Variants in SLC6A15 observed in about 807,000 individuals in gnomAD.
The protein encoded by SLC6A15 is sodium-dependent neutral amino acid transporter B(0)AT2.
A neutral mutation model predicts 68.5 loss-of-function variants in SLC6A15; 33 were observed. That is an observed-to-expected ratio of 0.48 (90% CI 0.37 to 0.64). The LOEUF is 0.64. Among genes scored for constraint, SLC6A15 ranks in the 30% least tolerant of loss-of-function variants. The probability of loss-of-function intolerance (pLI) is 0.00; values close to 1 mark genes in which losing one functional copy is unlikely to be tolerated. For missense variants in SLC6A15, 747 were observed against 874.3 expected (o/e 0.85, Z 1.84); for synonymous variants, 347 against 301.0 (o/e 1.15, Z -1.58).
intron 6 of SLC6A15, 125 bp from the exon 7 acceptor site, chr12:84,873,453 G>T: frequency 1.8e-6 from 2 of 1,104,018 alleles, no homozygotes; most frequent in Non-Finnish European, 2.6e-6. Context: ...ATTTAAATCG[G>T]GAAATAATAT....
chr12:84,883,515 A>G, intron 5 of SLC6A15: 1 of 1,277,178 alleles, frequency 7.8e-7, no homozygotes, highest in Non-Finnish European at 9.9e-7. Context: ...ACTTTCCCCA[A>G]TTTCCATAAT....
Position 84,863,595 on chromosome 12 carries a change from C to G in SLC6A15, c.1662G>C (p.Met554Ile). Reference protein sequence around the residue: ...VCFVYGIDKFMEDLKDMLGFA... With the variant: ...VCFVYGIDKFIEDLKDMLGFA... ...AGCCCAGCATATCTTTTAGGTCTTC[C>G]ATAAACCTGAATAAAAAGAAAGTAT... The change falls in exon 11 of 12, where the codon ATG (methionine) becomes ATC (isoleucine). Residue 554 changes from methionine (M) to isoleucine (I), a missense_variant. Physicochemically the swap from Met to Ile is conservative, Grantham distance 10 (BLOSUM62 1). Transcript: ENST00000266682. 6.5e-7 allele frequency: 1 copy of G among 1,529,094 alleles called. No individual in the cohort carries two copies. 94.7% of individuals were successfully genotyped at this position (1,529,094 alleles called of 1,614,324 possible). A position where few individuals can be genotyped will look rare whatever the true frequency, so the allele number is the denominator to read the frequency against.
At chr12:84,875,685 TATATATATATATATG>T (rs1342285826) in intron 6 of SLC6A15, among the ~76,000 whole-genome samples, 1,041 of 2,412 alleles carry the variant, frequency 0.43, 151 homozygotes, top group African/African-American at 0.52. Flanking sequence ...TATATATATA[TATATATATATATATG>T]AGAATCAAAA....
intron 1 of SLC6A15, among the ~76,000 whole-genome samples, chr12:84,910,684 AG>A (rs1873393771): frequency 6.6e-6 from 1 of 152,158 alleles, no homozygotes; most frequent in South Asian, 2.1e-4. Flanking sequence ...CAAAGGTCCA[AG>A]GAACACCCTG....
At position 84,886,054 on chromosome 12, in the gene SLC6A15, G is replaced by T. The variant is rs772986380; in HGVS notation, c.304C>A (p.Pro102Thr). 2 of 1,593,202 alleles carry T rather than the reference G, an allele frequency of 1.3e-6. No homozygotes were observed. Among genetic ancestry groups the T allele is most frequent in the African/African-American group, 2.7e-5 (2 of 73,978 alleles). ...ATTACCATAAGTAGTATTAAATATG[G>T]TAAAAGATATGCACCTAAAGAAACA... ...QKNGGGAYLL[P>T]YLILLMVIGI... The change falls in exon 3 of 12, where the codon CCA (proline) becomes ACA (threonine). Residue 102 changes from proline (P) to threonine (T), a missense_variant. Pro to Thr is a conservative substitution (Grantham distance 38). Coordinates refer to ENST00000266682, the MANE Select transcript of SLC6A15 (RefSeq NM_182767.6).
At position 84,859,724 on chromosome 12, in the gene SLC6A15, A is replaced by T. The variant is rs2120511441; in HGVS notation, c.*1908T>A. 6.6e-6 allele frequency: 1 copy of T among 152,188 alleles called. No homozygotes were observed. Among genetic ancestry groups the T allele is most frequent in the East Asian group, 1.9e-4 (1 of 5,186 alleles). The allele number at this position is 152,188 out of a possible 1,614,324, so 9.4% of individuals were successfully genotyped here. ...ATATTGCCTCAACACAAAAATAAAC[A>T]AAATTTTTATTAGTTCAGCCTCTGA... On this transcript the variant is annotated 3_prime_UTR_variant, in exon 12 of 12. Transcript: ENST00000266682.
intron 5 of SLC6A15, chr12:84,881,038 A>G (rs980926319): frequency 5.6e-6 from 1 of 179,524 alleles, no homozygotes; most frequent in Non-Finnish European, 1.1e-5. Flanking sequence ...TCTAGCTGAT[A>G]GAAAGAATAA....
rs79956295 is a variant in SLC6A15 at position 84,877,702 on chromosome 12, A to C, written c.757-1095T>G. Among the ~76,000 whole-genome samples the C allele has an allele frequency of 7.8e-4, 119 of 152,108 alleles. 1 individual carries two copies. In the East Asian group the frequency reaches 0.022, roughly 28 times the overall value. On this transcript the variant is annotated intron_variant, in intron 5 of 11. Transcript: ENST00000266682. ...CCCTGAGGTCTTCCCTGACCACCCA[A>C]AATAAGGTGATGCCTTTTTCTATCC...
At chr12:84,869,555 A>T (rs1337976122) in intron 9 of SLC6A15, among the ~76,000 whole-genome samples, 1 of 148,924 alleles carries the variant, frequency 6.7e-6, no homozygotes, top group Admixed American at 6.7e-5. Flanking sequence ...ATCCAATCTT[A>T]TTTTACATCA....
chr12:84,892,167 T>G lies in SLC6A15; in HGVS notation c.-47A>C, dbSNP rs373348128. On this transcript the variant is annotated 5_prime_UTR_variant, in exon 2 of 12. Coordinates refer to ENST00000266682, the MANE Select transcript of SLC6A15 (RefSeq NM_182767.6). Reference sequence around the variant, plus strand: ...AAAAAAAAAAAAAAAAACTCCCTTATGGCAAATGTGTTAACTCTATTTTTC... The same window carrying G: ...AAAAAAAAAAAAAAAAACTCCCTTAGGGCAAATGTGTTAACTCTATTTTTC... 2 of 1,378,950 alleles carry G rather than the reference T, an allele frequency of 1.5e-6. No individual in the cohort carries two copies. Among genetic ancestry groups the G allele is most frequent in the African/African-American group, 1.5e-5 (1 of 68,320 alleles). 85.4% of individuals were successfully genotyped at this position (1,378,950 alleles called of 1,614,324 possible).
intron 1 of SLC6A15, among the ~76,000 whole-genome samples, chr12:84,906,150 C>A (rs772684882): frequency 1.3e-5 from 2 of 151,986 alleles, no homozygotes; most frequent in Non-Finnish European, 2.9e-5. Context: ...CCATATGTTA[C>A]CAATAAACAA....
intron 8 of SLC6A15, 122 bp from the exon 9 acceptor site, chr12:84,870,792 T>G (rs988654873): frequency 1.4e-5 from 8 of 553,406 alleles, no homozygotes; most frequent in Non-Finnish European, 2.5e-5. Context: ...GAAATAGACA[T>G]GCTCAAATCA....
intron 2 of SLC6A15, among the ~76,000 whole-genome samples, chr12:84,888,278 CCAAAAA>C (rs1872216665): frequency 7.1e-6 from 1 of 141,312 alleles, no homozygotes. Flanking sequence ...AAAAAAAAAG[CCAAAAA>C]CAAAAACAAA....
At chr12:84,870,454 A>G in intron 9 of SLC6A15, 24 bp downstream of exon 9, 1 of 1,492,178 alleles carries the variant, frequency 6.7e-7, no homozygotes, top group Non-Finnish European at 9.0e-7. Flanking sequence ...TTGTTCAATG[A>G]AAAGTCAAAT....
At chr12:84,910,927 C>CT (rs1565736492) in intron 1 of SLC6A15, among the ~76,000 whole-genome samples, 1,597 of 128,542 alleles carry the variant, frequency 0.012, 109 homozygotes, top group African/African-American at 0.06. Context: ...CGCCCTCTTT[C>CT]CGTGTGTGTG....
Position 84,876,397 on chromosome 12 carries a change from T to A in SLC6A15, c.867+100A>T. 3 of 657,390 alleles carry A rather than the reference T, an allele frequency of 4.6e-6. No individual in the cohort carries two copies. In the South Asian group the frequency reaches 7.3e-5, roughly 16 times the overall value. 40.7% of individuals were successfully genotyped at this position (657,390 alleles called of 1,614,324 possible). ...CTATAATTTAAAAGTTTAATGTACA[T>A]ACATTAGAACAATTATTCCTTAAAT... On this transcript the variant is annotated intron_variant, in intron 6 of 11. Transcript: ENST00000266682.
At chr12:84,885,327 T>C (rs1420792732) in intron 4 of SLC6A15, 108 bp downstream of exon 4, 23 of 1,038,098 alleles carry the variant, frequency 2.2e-5, no homozygotes, top group Non-Finnish European at 1.5e-5. Context: ...ATGATAATTT[T>C]GAATGATGTT....
chr12:84,907,640 C>A (rs893130702), intron 1 of SLC6A15, among the ~76,000 whole-genome samples: 1 of 152,062 alleles, frequency 6.6e-6, no homozygotes, highest in Non-Finnish European at 1.5e-5. Context: ...TGGAAAAGTT[C>A]GACTGTTCAT....
intron 1 of SLC6A15, among the ~76,000 whole-genome samples, chr12:84,896,320 G>T (rs1872638194): frequency 6.6e-6 from 1 of 151,790 alleles, no homozygotes; most frequent in Non-Finnish European, 1.5e-5. Context: ...ATGTATCCAT[G>T]CCCATAAAAT....
Sources: gnomAD v4.1 joint callset for allele counts (sites outside exome capture counted in the v4.1 genomes callset) on GRCh38, gnomAD v4.1.1 for gene constraint, MANE v1.5 for transcripts, NCBI Gene and HGNC (gene_info 2026-07-23, HGNC 2026-07-21) for gene names.